The following NTM variants were observed in gnomAD, a reference collection of about 807,000 sequenced individuals.
NTM encodes the protein IgLON family member 2.
In NTM, 13 loss-of-function variants were observed where a neutral mutation model predicts 42.1. The observed-to-expected ratio is 0.31, with a 90% CI of 0.20 to 0.49. The LOEUF (loss-of-function observed/expected upper bound fraction) is 0.49, where lower values mean the gene tolerates loss of function less well. Among genes scored for constraint, NTM ranks in the 20% least tolerant of loss-of-function variants. The probability of loss-of-function intolerance (pLI) is 0.99; values close to 1 mark genes in which losing one functional copy is unlikely to be tolerated. For synonymous variants in NTM, 187 were observed against 179.2 expected, an observed-to-expected ratio of 1.04 and a Z score of -0.35; for missense variants, 373 against 452.8, an observed-to-expected ratio of 0.82 and a Z score of 1.60.
chr11:131,394,897 A>C lies in NTM; in HGVS notation c.82+24009A>C, dbSNP rs368159897. ...CTGTTCTAGGTTCTGGGAATGAAACAGTAAATAAAGCAGGTGAAACAGAAA... is the reference window on the plus strand; with the variant it reads ...CTGTTCTAGGTTCTGGGAATGAAACCGTAAATAAAGCAGGTGAAACAGAAA... On this transcript the variant is annotated intron_variant, in intron 1 of 8. Coordinates refer to ENST00000683400, the MANE Select transcript of NTM (RefSeq NM_001352005.2). Among the ~76,000 whole-genome samples the C allele has an allele frequency of 3.3e-5, 5 of 152,362 alleles. No homozygotes were observed. The South Asian group carries it at 8.3e-4, about 25-fold the overall frequency.
At chr11:131,605,842 C>T (rs2060904278) in intron 1 of NTM, 4 of 983,882 alleles carry the variant, frequency 4.1e-6, no homozygotes, top group South Asian at 4.7e-5. Context: ...TGCCTGGAAG[C>T]CTCTTCTTGG....
At chr11:131,557,715 C>T (rs1268973977) in intron 1 of NTM, among the ~76,000 whole-genome samples, 1 of 120,398 alleles carries the variant, frequency 8.3e-6, no homozygotes, top group South Asian at 2.8e-4. Context: ...CAATTAGATG[C>T]TTCTTGGAGC....
intron 2 of NTM, among the ~76,000 whole-genome samples, chr11:132,038,500 T>G (rs903588356): frequency 3.3e-5 from 5 of 152,176 alleles, no homozygotes; most frequent in African/African-American, 1.2e-4. Flanking sequence ...ATATCCTTTC[T>G]AAGGCTCAGT....
chr11:131,856,389 A>G (rs1411009077), intron 1 of NTM, among the ~76,000 whole-genome samples: 3 of 152,180 alleles, frequency 2.0e-5, no homozygotes, highest in East Asian at 1.9e-4. Flanking sequence ...AATAATACTC[A>G]TTTCTTAATC....
At chr11:131,911,208 C>A (rs2054874864) in intron 1 of NTM, 4 of 1,383,378 alleles carry the variant, frequency 2.9e-6, no homozygotes, top group Non-Finnish European at 3.7e-6. Context: ...CCTCCTCGGC[C>A]ACCTTCCCGG....
chr11:132,004,678 C>T (rs894529202), intron 2 of NTM, among the ~76,000 whole-genome samples: 2 of 151,372 alleles, frequency 1.3e-5, no homozygotes, highest in Non-Finnish European at 2.9e-5. Flanking sequence ...CACATAGACA[C>T]ATACACAGGT....
intron 1 of NTM, among the ~76,000 whole-genome samples, chr11:131,385,044 C>T (rs1324282518): frequency 5.9e-5 from 9 of 152,272 alleles, no homozygotes; most frequent in Middle Eastern, 3.4e-3. Flanking sequence ...AGGAGGTACC[C>T]GGGCATTGCC....
intron 1 of NTM, among the ~76,000 whole-genome samples, chr11:131,872,606 T>C (rs2047899841): frequency 6.6e-6 from 1 of 152,196 alleles, no homozygotes; most frequent in Non-Finnish European, 1.5e-5. Flanking sequence ...CATGTGTGCA[T>C]GTATAGTTGA....
chr11:131,387,016 A>C (rs906865335), intron 1 of NTM, among the ~76,000 whole-genome samples: 1 of 152,208 alleles, frequency 6.6e-6, no homozygotes, highest in Non-Finnish European at 1.5e-5. Context: ...TACATTTCTT[A>C]ATCTCCACAT....
chr11:131,785,331 T>C (rs1467431870), intron 1 of NTM, among the ~76,000 whole-genome samples: 2 of 152,186 alleles, frequency 1.3e-5, no homozygotes, highest in African/African-American at 4.8e-5. Flanking sequence ...ATGAAGACGA[T>C]ATGAATTTTA....
chr11:131,996,100 G>T (rs192684720), intron 2 of NTM, among the ~76,000 whole-genome samples: 1 of 152,092 alleles, frequency 6.6e-6, no homozygotes, highest in Non-Finnish European at 1.5e-5. Context: ...GGGAAATTGG[G>T]CCAGTTTCAG....
chr11:131,710,947 C>T (rs1279474341), intron 1 of NTM, among the ~76,000 whole-genome samples: 1 of 152,166 alleles, frequency 6.6e-6, no homozygotes, highest in Non-Finnish European at 1.5e-5. Flanking sequence ...AGGAGTATTT[C>T]TGGCTACTGC....
Position 131,789,430 on chromosome 11 carries a change from GA to G in NTM, c.83-122132del, listed in dbSNP as rs1163139179. Among the ~76,000 whole-genome samples the G allele has an allele frequency of 2.6e-3, 2 of 780 alleles. 1 individual carries two copies. The highest frequency in any genetic ancestry group is 5.3e-3 in the Non-Finnish European group (2 of 376). The allele number at this position is 780 out of a possible 152,430, so 0.5% of individuals were successfully genotyped here. A position where few individuals can be genotyped will look rare whatever the true frequency, so the allele number is the denominator to read the frequency against. On this transcript the variant is annotated intron_variant, in intron 1 of 8. Coordinates refer to ENST00000683400, the MANE Select transcript of NTM (RefSeq NM_001352005.2). ...GCAGTTAAAAGAAAAAAAGAAGAAG[GA>G]AGAAGAAGAAGAAGAAGAAGAAGAA...
intron 1 of NTM, among the ~76,000 whole-genome samples, chr11:131,626,508 C>T (rs983062339): frequency 6.6e-6 from 1 of 152,132 alleles, no homozygotes; most frequent in Non-Finnish European, 1.5e-5. Flanking sequence ...GGCAGCTTAC[C>T]TCAGTTGCAG....
chr11:131,484,519 T>G (rs1470243577), intron 1 of NTM, among the ~76,000 whole-genome samples: 1 of 152,138 alleles, frequency 6.6e-6, no homozygotes, highest in African/African-American at 2.4e-5. Context: ...CTGAGACAGC[T>G]GAGGGGGCTG....
At chr11:131,688,808 A>G (rs1003308506) in intron 1 of NTM, among the ~76,000 whole-genome samples, 1 of 152,190 alleles carries the variant, frequency 6.6e-6, no homozygotes, top group African/African-American at 2.4e-5. Flanking sequence ...TTTGAAACAG[A>G]AACTAGGACC....
chr11:132,244,355 C>T (rs997519405), intron 4 of NTM, among the ~76,000 whole-genome samples: 10 of 152,258 alleles, frequency 6.6e-5, no homozygotes, highest in Middle Eastern at 3.4e-3. Flanking sequence ...AAGACAGCTG[C>T]GAGGAAAGGT....
chr11:132,144,258 C>T (rs2069835218), intron 2 of NTM, among the ~76,000 whole-genome samples: 1 of 152,158 alleles, frequency 6.6e-6, no homozygotes, highest in East Asian at 1.9e-4. Context: ...TTGGCATTAC[C>T]TGGGAGCTTG....
chr11:131,420,291 G>A, intron 1 of NTM, among the ~76,000 whole-genome samples: 1 of 152,156 alleles, frequency 6.6e-6, no homozygotes, highest in Non-Finnish European at 1.5e-5. Flanking sequence ...GGGAGAAAGA[G>A]GTTGGACAGC....
Sources: gnomAD v4.1 joint callset for allele counts (sites outside exome capture counted in the v4.1 genomes callset) on GRCh38, gnomAD v4.1.1 for gene constraint, MANE v1.5 for transcripts, NCBI Gene and HGNC (gene_info 2026-07-23, HGNC 2026-07-21) for gene names.